Variants in FHOD3 observed in about 807,000 individuals in gnomAD.
FHOD3 encodes the protein FH1/FH2 domain-containing protein 3.
FHOD3 carries 90 observed loss-of-function variants against 173.0 expected under a neutral mutation model. That is an observed-to-expected ratio of 0.52 (90% CI 0.44 to 0.62). The LOEUF (loss-of-function observed/expected upper bound fraction) is 0.62. Among genes scored for constraint, FHOD3 ranks in the 20% least tolerant of loss-of-function variants. FHOD3 has a pLI of 0.00. For missense variants in FHOD3, 1,945 were observed against 2,034.7 expected (o/e 0.96, Z 0.85); for synonymous variants, 828 against 823.0 (o/e 1.01, Z -0.10).
At chr18:36,323,442 T>A (rs531163408) in intron 1 of FHOD3, among the ~76,000 whole-genome samples, 17 of 152,336 alleles carry the variant, frequency 1.1e-4, no homozygotes, top group African/African-American at 4.1e-4. Flanking sequence ...TTTGCTAGTT[T>A]GGGGGTCATA....
chr18:36,594,513 C>T lies in FHOD3; in HGVS notation c.607-274C>T, dbSNP rs545097464. ...GCCAGGTGTGAGTTCTGGAGCCATG[C>T]GTCCTGGGTTCATGTCCTGGTGCTG... On this transcript the variant is annotated intron_variant, in intron 6 of 28. Transcript: ENST00000590592. Among the ~76,000 whole-genome samples, 23 of 152,226 alleles carry T rather than the reference C, an allele frequency of 1.5e-4. No individual in the cohort carries two copies. In the South Asian group the frequency reaches 3.5e-3, roughly 23 times the overall value.
chr18:36,547,474 T>C (rs2057457878), intron 5 of FHOD3, among the ~76,000 whole-genome samples: 1 of 152,196 alleles, frequency 6.6e-6, no homozygotes. Flanking sequence ...GGTTTCACCA[T>C]GTTGGCCAGG....
At chr18:36,625,893 C>T in intron 10 of FHOD3, 144 bp downstream of exon 10, 1 of 654,424 alleles carries the variant, frequency 1.5e-6, no homozygotes, top group Non-Finnish European at 2.4e-6. Context: ...CATTAAACCA[C>T]CAGCCAAACA....
chr18:36,366,009 G>T (rs996834053), intron 2 of FHOD3, among the ~76,000 whole-genome samples: 2 of 152,104 alleles, frequency 1.3e-5, no homozygotes, highest in African/African-American at 4.8e-5. Context: ...GCTTCCACCT[G>T]GGTCCCCTGT....
rs147828031 is a variant in FHOD3, at chr18:36,386,463, G to T, written c.337+13719G>T. ...CTTAGCAGAAAGCCGTAAAAACAAC[G>T]AGCAATTTCCGTGCCCGTTAGAGAC... is the stretch of plus-strand genomic sequence containing the variant. On this transcript the variant is annotated intron_variant, in intron 3 of 28. Transcript: ENST00000590592. Among the ~76,000 whole-genome samples, 66 of 152,312 alleles carry T rather than the reference G, an allele frequency of 4.3e-4. 1 individual carries two copies. The East Asian group carries it at 0.012, about 28-fold the overall frequency.
intron 3 of FHOD3, among the ~76,000 whole-genome samples, chr18:36,483,926 G>T (rs2054061437): frequency 6.6e-6 from 1 of 152,192 alleles, no homozygotes; most frequent in South Asian, 2.1e-4. Context: ...CCCGAGGTCA[G>T]TGGTTCTCTG....
intron 6 of FHOD3, among the ~76,000 whole-genome samples, chr18:36,589,089 T>C (rs549257925): frequency 1.2e-4 from 19 of 152,372 alleles, no homozygotes; most frequent in African/African-American, 4.3e-4. Context: ...TGCAAAATGA[T>C]AGCTGCAATA....
chr18:36,560,842 GTTTT>G (rs1318480145), intron 5 of FHOD3, among the ~76,000 whole-genome samples: 1 of 127,574 alleles, frequency 7.8e-6, no homozygotes, highest in Non-Finnish European at 1.7e-5. Flanking sequence ...TTTTTTTTCT[GTTTT>G]TTTTTTTTGT....
intron 3 of FHOD3, among the ~76,000 whole-genome samples, chr18:36,457,711 T>C (rs995477328): frequency 6.6e-6 from 1 of 152,158 alleles, no homozygotes; most frequent in Admixed American, 6.5e-5. Flanking sequence ...AGTGTTTTTT[T>C]CTCTGAGTTG....
chr18:36,370,987 AGT>A (rs1249847427), intron 2 of FHOD3, among the ~76,000 whole-genome samples: 2 of 152,180 alleles, frequency 1.3e-5, no homozygotes, highest in Non-Finnish European at 2.9e-5. Flanking sequence ...GATTTTTGAG[AGT>A]GAGAGTTTTT....
intron 3 of FHOD3, among the ~76,000 whole-genome samples, chr18:36,419,970 A>G (rs2049903320): frequency 6.6e-6 from 1 of 152,224 alleles, no homozygotes; most frequent in African/African-American, 2.4e-5. Context: ...AAGATACTGT[A>G]TTGGCTTCCA....
intron 1 of FHOD3, among the ~76,000 whole-genome samples, chr18:36,304,972 T>A (rs921816910): frequency 2.0e-5 from 3 of 152,202 alleles, no homozygotes; most frequent in Admixed American, 1.3e-4. Context: ...GAAGAGGTTC[T>A]CAGTTTACAG....
intron 2 of FHOD3, among the ~76,000 whole-genome samples, chr18:36,359,482 G>A (rs1019674884): frequency 4.6e-5 from 7 of 152,212 alleles, no homozygotes; most frequent in African/African-American, 1.7e-4. Context: ...AGACAGAGAA[G>A]CCTGCAGCCT....
At chr18:36,509,794 C>T (rs2055532026) in intron 4 of FHOD3, among the ~76,000 whole-genome samples, 5 of 152,282 alleles carry the variant, frequency 3.3e-5, no homozygotes, top group Admixed American at 3.3e-4. Context: ...TCACTTCAAC[C>T]AAGTTCACTC....
intron 5 of FHOD3, 70 bp from the exon 6 acceptor site, chr18:36,576,381 C>T (rs1259921724): frequency 9.0e-7 from 1 of 1,113,860 alleles, no homozygotes; most frequent in Non-Finnish European, 1.3e-6. Context: ...TCTTGATCAG[C>T]ATTATGATCA....
At chr18:36,764,826 C>T (rs2043071548) in intron 27 of FHOD3, among the ~76,000 whole-genome samples, 1 of 152,136 alleles carries the variant, frequency 6.6e-6, no homozygotes, top group Non-Finnish European at 1.5e-5. Flanking sequence ...CCTGCTACAA[C>T]AACTAGAAGT....
chr18:36,742,993 T>C, intron 22 of FHOD3, 137 bp downstream of exon 22: 1 of 1,305,440 alleles, frequency 7.7e-7, no homozygotes, highest in Non-Finnish European at 1.1e-6. Context: ...TTGCTGAAAA[T>C]CTAGAAGGAA....
At chr18:36,702,810 G>A (rs915817796) in intron 17 of FHOD3, among the ~76,000 whole-genome samples, 5 of 152,070 alleles carry the variant, frequency 3.3e-5, no homozygotes, top group African/African-American at 1.2e-4. Flanking sequence ...CCCACTGTGT[G>A]TGTGTGCGCG....
At chr18:36,595,471 G>A (rs968743488) in intron 7 of FHOD3, among the ~76,000 whole-genome samples, 1 of 152,100 alleles carries the variant, frequency 6.6e-6, no homozygotes, top group Non-Finnish European at 1.5e-5. Context: ...CTCCTGCCCA[G>A]CTGCCACCCC....
Sources: gnomAD v4.1 joint callset for allele counts (sites outside exome capture counted in the v4.1 genomes callset) on GRCh38, gnomAD v4.1.1 for gene constraint, MANE v1.5 for transcripts, NCBI Gene and HGNC (gene_info 2026-07-23, HGNC 2026-07-21) for gene names.